Variants in MGAT4C observed in about 807,000 individuals in gnomAD.
The protein encoded by MGAT4C is alpha-1,3-mannosyl-glycoprotein 4-beta-N-acetylglucosaminyltransferase C.
MGAT4C carries 19 observed loss-of-function variants against 40.1 expected under a neutral mutation model. The observed-to-expected ratio is 0.47, with a 90% confidence interval of 0.33 to 0.70. The LOEUF is 0.70. Ranked by LOEUF, MGAT4C falls within the 30% of genes least tolerant of loss-of-function variation. MGAT4C has a pLI of 0.02. For synonymous variants in MGAT4C, 181 were observed against 187.1 expected, an observed-to-expected ratio of 0.97 and a Z score of 0.27; for missense variants, 491 against 563.2, an observed-to-expected ratio of 0.87 and a Z score of 1.30.
At chr12:85,998,331 C>T (rs1886881288) in intron 2 of MGAT4C, among the ~76,000 whole-genome samples, 1 of 152,194 alleles carries the variant, frequency 6.6e-6, no homozygotes, top group African/African-American at 2.4e-5. Flanking sequence ...AGACCTCTGA[C>T]TTGACCTGGA....
chr12:86,412,800 G>A (rs1395859221), intron 3 of MGAT4C, among the ~76,000 whole-genome samples: 1 of 152,120 alleles, frequency 6.6e-6, no homozygotes, highest in Non-Finnish European at 1.5e-5. Context: ...TTGTATTTGT[G>A]TCCCTACCCA....
At chr12:86,410,013 G>A (rs1956571683) in intron 3 of MGAT4C, among the ~76,000 whole-genome samples, 1 of 152,128 alleles carries the variant, frequency 6.6e-6, no homozygotes, top group Admixed American at 6.6e-5. Flanking sequence ...GGCGGAGGGG[G>A]TGTACGAACA....
chr12:86,709,964 G>A (rs139348010), intron 2 of MGAT4C, among the ~76,000 whole-genome samples: 32 of 152,228 alleles, frequency 2.1e-4, no homozygotes, highest in Middle Eastern at 3.4e-3. Context: ...TGTTCTCAGA[G>A]ACAACTAAGA....
At chr12:86,361,059 G>A (rs1955453579) in intron 3 of MGAT4C, among the ~76,000 whole-genome samples, 1 of 152,126 alleles carries the variant, frequency 6.6e-6, no homozygotes, top group Non-Finnish European at 1.5e-5. Flanking sequence ...CAAAGCTGGA[G>A]GCATCATGCT....
At chr12:86,189,425 C>A (rs1327710203) in intron 1 of MGAT4C, among the ~76,000 whole-genome samples, 1 of 151,558 alleles carries the variant, frequency 6.6e-6, no homozygotes, top group Non-Finnish European at 1.5e-5. Flanking sequence ...TCACAATAAG[C>A]TGAAAAAAAT....
At chr12:86,278,173 A>G (rs1282521214) in intron 4 of MGAT4C, among the ~76,000 whole-genome samples, 1 of 60,752 alleles carries the variant, frequency 1.6e-5, no homozygotes, top group African/African-American at 5.4e-5. Context: ...TAGTTTGTTG[A>G]CTTCCTTTTT....
intron 1 of MGAT4C, among the ~76,000 whole-genome samples, chr12:86,219,414 T>C (rs1950796815): frequency 6.6e-6 from 1 of 152,176 alleles, no homozygotes; most frequent in African/African-American, 2.4e-5. Flanking sequence ...GTTAAACCCA[T>C]AATCCTGAGA....
intron 2 of MGAT4C, among the ~76,000 whole-genome samples, chr12:86,698,323 T>A (rs539525041): frequency 6.6e-6 from 1 of 152,092 alleles, no homozygotes; most frequent in East Asian, 1.9e-4. Flanking sequence ...TTTAAATAAG[T>A]GAAAATTTTT....
intron 3 of MGAT4C, among the ~76,000 whole-genome samples, chr12:86,336,262 T>C (rs989413773): frequency 1.3e-5 from 2 of 152,188 alleles, no homozygotes; most frequent in Non-Finnish European, 2.9e-5. Context: ...TACTTTCCAC[T>C]AGTTCACCTA....
intron 2 of MGAT4C, among the ~76,000 whole-genome samples, chr12:86,596,501 C>T (rs997513688): frequency 6.6e-6 from 1 of 152,148 alleles, no homozygotes; most frequent in African/African-American, 2.4e-5. Flanking sequence ...TGCCTAAGAG[C>T]CGATGGCCCA....
intron 2 of MGAT4C, among the ~76,000 whole-genome samples, chr12:86,628,386 A>G (rs1436630295): frequency 1.3e-5 from 2 of 152,172 alleles, no homozygotes; most frequent in African/African-American, 4.8e-5. Flanking sequence ...AATTCAGGAA[A>G]TACAGAGAAC....
At chr12:86,127,130 T>C (rs942618169) in intron 1 of MGAT4C, among the ~76,000 whole-genome samples, 1 of 152,184 alleles carries the variant, frequency 6.6e-6, no homozygotes, top group African/African-American at 2.4e-5. Flanking sequence ...AACAGGCCAC[T>C]GATGGGTACA....
chr12:86,796,928 T>G (rs1412975896), intron 1 of MGAT4C, among the ~76,000 whole-genome samples: 1 of 151,850 alleles, frequency 6.6e-6, no homozygotes, highest in Non-Finnish European at 1.5e-5. Flanking sequence ...CCATTAAAAA[T>G]ATTTGAAATT....
At chr12:86,415,923 CA>C (rs1956701367) in intron 3 of MGAT4C, among the ~76,000 whole-genome samples, 1 of 151,764 alleles carries the variant, frequency 6.6e-6, no homozygotes, top group African/African-American at 2.4e-5. Flanking sequence ...TCTAATTACA[CA>C]AAAAAGATTT....
At chr12:86,648,185 C>A (rs1963597877) in intron 2 of MGAT4C, among the ~76,000 whole-genome samples, 2 of 151,708 alleles carry the variant, frequency 1.3e-5, no homozygotes, top group South Asian at 4.1e-4. Flanking sequence ...TAAATTTAGT[C>A]TAGAAACATA....
At chr12:86,750,007 T>G (rs1762816960) in intron 1 of MGAT4C, among the ~76,000 whole-genome samples, 1 of 142,368 alleles carries the variant, frequency 7.0e-6, no homozygotes, top group African/African-American at 3.1e-5. Context: ...ATCAATGTAT[T>G]TGTTGGATTG....
chr12:86,388,815 G>A (rs1956112312), intron 3 of MGAT4C, among the ~76,000 whole-genome samples: 2 of 151,190 alleles, frequency 1.3e-5, no homozygotes. Flanking sequence ...CTGAGTAGCT[G>A]GGATTACAGG....
At position 85,959,146 on chromosome 12, in the gene MGAT4C, G is replaced by C. The variant is rs1251594187; in HGVS notation, c.*20143C>G. ...TCAAGTTCTACCTGATAAAGTGGTG[G>C]AATAAAGATGGTATTTTCCATAACT... is the stretch of plus-strand genomic sequence containing the variant. On this transcript the variant is annotated 3_prime_UTR_variant, in exon 5 of 5. Coordinates refer to ENST00000611864, the MANE Select transcript of MGAT4C (RefSeq NM_001351288.2). The C allele has an allele frequency of 6.6e-6, 1 of 151,860 alleles. No individual in the cohort carries two copies. The highest frequency in any genetic ancestry group is 2.4e-5 in the African/African-American group (1 of 41,330). The allele number at this position is 151,860 out of a possible 1,614,324, so 9.4% of individuals were successfully genotyped here. A position where few individuals can be genotyped will look rare whatever the true frequency, so the allele number is the denominator to read the frequency against.
In MGAT4C at chr12:86,719,159, G is replaced by A. The variant is rs188137286; in HGVS notation, c.-229+8050C>T. Among the ~76,000 whole-genome samples the A allele has an allele frequency of 3.1e-3, 468 of 152,244 alleles. 2 individuals carry two copies. The highest frequency in any genetic ancestry group is 0.014 in the Middle Eastern group (4 of 294). On this transcript the variant is annotated intron_variant, in intron 2 of 7. Coordinates refer to the MGAT4C transcript ENST00000548651. Reference sequence around the variant, plus strand: ...AGATTGTCAAGAACTTGAGGGCATGGTCCACCTTCGTATCACAAGTACTTA... The same window carrying A: ...AGATTGTCAAGAACTTGAGGGCATGATCCACCTTCGTATCACAAGTACTTA...
Sources: allele counts gnomAD v4.1 joint callset (sites outside exome capture counted in the v4.1 genomes callset), GRCh38; gene constraint gnomAD v4.1.1; transcripts MANE v1.5; gene names NCBI Gene and HGNC (gene_info 2026-07-23, HGNC 2026-07-21).